ZFPM2: variants seen among roughly 807,000 people sequenced by gnomAD.
ZFPM2 encodes zinc finger protein, FOG family member 2.
Under a neutral mutation model 98.6 loss-of-function variants are expected in ZFPM2, and 20 were observed. That is an observed-to-expected ratio of 0.20 (90% confidence interval 0.14 to 0.29). ZFPM2 has a LOEUF of 0.29. Among genes scored for constraint, ZFPM2 ranks in the 10% least tolerant of loss-of-function variants. The pLI is 1.00. For synonymous variants in ZFPM2, 518 were observed against 502.7 expected (o/e 1.03, Z -0.41); for missense variants, 1,310 against 1,388.6 (o/e 0.94, Z 0.90).
intron 3 of ZFPM2, among the ~76,000 whole-genome samples, chr8:105,531,436 A>C (rs1188215125): frequency 6.6e-6 from 1 of 152,088 alleles, no homozygotes; most frequent in African/African-American, 2.4e-5. Flanking sequence ...ATTATCACAT[A>C]GCATTCTCTG....
intron 5 of ZFPM2, among the ~76,000 whole-genome samples, chr8:105,652,623 G>T (rs1218363203): frequency 1.3e-5 from 2 of 151,982 alleles, no homozygotes; most frequent in Non-Finnish European, 2.9e-5. Context: ...TGTTAGTAAA[G>T]ATTTTCAAGA....
chr8:105,441,434 A>AAGAGAGAG (rs35365518), intron 2 of ZFPM2, among the ~76,000 whole-genome samples: 15 of 94,990 alleles, frequency 1.6e-4, no homozygotes, highest in South Asian at 3.5e-4. Context: ...GAAAGAAAGA[A>AAGAGAGAG]AGAGAGAGAG....
intron 3 of ZFPM2, among the ~76,000 whole-genome samples, chr8:105,505,524 C>T (rs1813680804): frequency 6.6e-6 from 1 of 151,888 alleles, no homozygotes; most frequent in African/African-American, 2.4e-5. Flanking sequence ...CCCAAAGCAG[C>T]ATATTAAAAC....
chr8:105,548,319 ATATTT>A (rs1388254897), intron 3 of ZFPM2, among the ~76,000 whole-genome samples: 22 of 152,270 alleles, frequency 1.4e-4, no homozygotes, highest in African/African-American at 5.1e-4. Context: ...AATAAGAAAA[ATATTT>A]TATAAGAGTA....
chr8:105,590,597 A>G (rs1373759743), intron 4 of ZFPM2, among the ~76,000 whole-genome samples: 1 of 152,230 alleles, frequency 6.6e-6, no homozygotes, highest in Non-Finnish European at 1.5e-5. Context: ...CGAAGAAGAG[A>G]AATGTTTTGT....
At chr8:105,435,599 TC>T (rs1400496816) in intron 2 of ZFPM2, among the ~76,000 whole-genome samples, 1 of 152,130 alleles carries the variant, frequency 6.6e-6, no homozygotes, top group Non-Finnish European at 1.5e-5. Context: ...TATTAATTAT[TC>T]ATTCCAATTT....
intron 1 of ZFPM2, among the ~76,000 whole-genome samples, chr8:105,405,613 C>G (rs1368450610): frequency 6.6e-5 from 10 of 151,980 alleles, no homozygotes; most frequent in Admixed American, 6.6e-4. Context: ...ATGAACTCAT[C>G]ATTTTTTATG....
chr8:105,762,975 A>C (rs1347901800), intron 5 of ZFPM2, among the ~76,000 whole-genome samples: 3 of 151,726 alleles, frequency 2.0e-5, no homozygotes, highest in Non-Finnish European at 4.4e-5. Flanking sequence ...ATAGATGAGA[A>C]TTATATGTAA....
chr8:105,580,102 T>C (rs1052916454), intron 4 of ZFPM2, among the ~76,000 whole-genome samples: 28 of 152,058 alleles, frequency 1.8e-4, no homozygotes, highest in African/African-American at 6.8e-4. Context: ...GAAAGATTAG[T>C]GTGTAAGGAT....
intron 3 of ZFPM2, among the ~76,000 whole-genome samples, chr8:105,524,833 G>A (rs567945738): frequency 3.3e-5 from 5 of 152,104 alleles, no homozygotes; most frequent in Non-Finnish European, 7.3e-5. Flanking sequence ...GCCTCACAGA[G>A]AGCTCTAGAC....
At chr8:105,715,084 C>T in intron 5 of ZFPM2, among the ~76,000 whole-genome samples, 1 of 151,854 alleles carries the variant, frequency 6.6e-6, no homozygotes, top group Non-Finnish European at 1.5e-5. Context: ...TCAGTTGCAA[C>T]CGTAGATTGG....
intron 5 of ZFPM2, among the ~76,000 whole-genome samples, chr8:105,775,446 T>C (rs1281502196): frequency 6.6e-6 from 1 of 152,138 alleles, no homozygotes; most frequent in African/African-American, 2.4e-5. Flanking sequence ...TTACAAGTTG[T>C]GTATTTTGGT....
intron 1 of ZFPM2, among the ~76,000 whole-genome samples, chr8:105,363,069 C>T (rs1234428568): frequency 2.0e-5 from 3 of 152,148 alleles, no homozygotes; most frequent in East Asian, 1.9e-4. Flanking sequence ...CAAGAATGAA[C>T]GTGTATCCCC....
intron 4 of ZFPM2, among the ~76,000 whole-genome samples, chr8:105,619,518 ATTATT>A (rs1816489341): frequency 6.6e-6 from 1 of 152,042 alleles, no homozygotes; most frequent in Non-Finnish European, 1.5e-5. Flanking sequence ...TTATAAAATG[ATTATT>A]TTATGATTTT....
At chr8:105,373,891 T>C (rs2957457) in intron 1 of ZFPM2, among the ~76,000 whole-genome samples, 38,954 of 152,108 alleles carry the variant, frequency 0.26, 6,284 homozygotes, top group Admixed American at 0.42. Flanking sequence ...TCTGTCTTCA[T>C]GCATAAAAGG....
intron 1 of ZFPM2, among the ~76,000 whole-genome samples, chr8:105,344,671 A>G (rs1409560719): frequency 6.6e-6 from 1 of 152,058 alleles, no homozygotes; most frequent in Non-Finnish European, 1.5e-5. Flanking sequence ...ATATCTATAT[A>G]TACACATATA....
At chr8:105,324,576 TGAA>T (rs1305331908) in intron 1 of ZFPM2, among the ~76,000 whole-genome samples, 3 of 151,878 alleles carry the variant, frequency 2.0e-5, no homozygotes, top group Admixed American at 6.6e-5. Context: ...CTAGCTAAAA[TGAA>T]GGATTTGGGA....
chr8:105,370,816 C>G (rs971526559), intron 1 of ZFPM2, among the ~76,000 whole-genome samples: 1 of 152,170 alleles, frequency 6.6e-6, no homozygotes, highest in African/African-American at 2.4e-5. Context: ...GTAATTTGCT[C>G]AAAGGAATCT....
At chr8:105,593,217 G>A (rs1402212682) in intron 4 of ZFPM2, among the ~76,000 whole-genome samples, 1 of 152,020 alleles carries the variant, frequency 6.6e-6, no homozygotes, top group Admixed American at 6.6e-5. Flanking sequence ...TAAATTATGA[G>A]GTTCAGGGAG....
Sources: gnomAD v4.1 joint callset for allele counts (sites outside exome capture counted in the v4.1 genomes callset) on GRCh38, gnomAD v4.1.1 for gene constraint, MANE v1.5 for transcripts, NCBI Gene and HGNC (gene_info 2026-07-23, HGNC 2026-07-21) for gene names.